STPG4: variants seen among roughly 807,000 people sequenced by gnomAD.
The protein encoded by STPG4 is protein STPG4.
A neutral mutation model predicts 31.5 loss-of-function variants in STPG4; 41 were observed. The observed-to-expected ratio is 1.30, with a 90% CI of 1.01 to 1.69. The LOEUF is 1.69. STPG4 is among the 40% of genes most tolerant of loss of function. The probability of loss-of-function intolerance (pLI) is 0.00; values close to 1 mark genes in which losing one functional copy is unlikely to be tolerated. For synonymous variants in STPG4, 141 were observed against 103.0 expected (o/e 1.37, Z -2.24); for missense variants, 375 against 293.4 (o/e 1.28, Z -2.03).
chr2:47,107,543 C>T lies in STPG4; in HGVS notation c.520-17169G>A, dbSNP rs562574149. 8.6e-3 allele frequency among the ~76,000 whole-genome samples: 1,304 copies of T among 152,284 alleles called. 21 individuals are homozygous for T. The highest frequency in any genetic ancestry group is 0.014 in the Non-Finnish European group (975 of 68,010). On this transcript the variant is annotated intron_variant, in intron 5 of 6. Coordinates refer to ENST00000445927, the MANE Select transcript of STPG4 (RefSeq NM_001163561.2). ...GGGGCAGGGCTCAGGACCTGCAGCC[C>T]GCCATGCCTGAGCCTCCCACCCCCT...
intron 3 of STPG4, among the ~76,000 whole-genome samples, chr2:47,144,979 C>T (rs1225964791): frequency 1.3e-5 from 2 of 152,230 alleles, no homozygotes; most frequent in African/African-American, 4.8e-5. Flanking sequence ...ATCCGCCCGC[C>T]TTGGCCTCCC....
chr2:47,092,857 A>G (rs1353051460), intron 5 of STPG4, among the ~76,000 whole-genome samples: 6 of 151,482 alleles, frequency 4.0e-5, no homozygotes, highest in African/African-American at 1.5e-4. Flanking sequence ...CAGTCACGCC[A>G]TCTCGGCTCA....
chr2:47,103,529 G>A (rs1685842724), intron 5 of STPG4, among the ~76,000 whole-genome samples: 1 of 151,944 alleles, frequency 6.6e-6, no homozygotes, highest in Non-Finnish European at 1.5e-5. Context: ...CTTAGTCATG[G>A]CCCTCAGACA....
intron 2 of STPG4, among the ~76,000 whole-genome samples, chr2:47,152,610 A>G (rs980898524): frequency 6.6e-6 from 1 of 152,214 alleles, no homozygotes; most frequent in African/African-American, 2.4e-5. Context: ...TCTTTACCAT[A>G]TAAGATAAAA....
chr2:47,123,912 T>C (rs1403553907), intron 5 of STPG4, among the ~76,000 whole-genome samples: 2 of 152,188 alleles, frequency 1.3e-5, no homozygotes, highest in Non-Finnish European at 2.9e-5. Context: ...GGGGTATCCA[T>C]CACCTCAAGC....
At chr2:47,099,256 C>A (rs1685738411) in intron 5 of STPG4, among the ~76,000 whole-genome samples, 1 of 152,188 alleles carries the variant, frequency 6.6e-6, no homozygotes, top group African/African-American at 2.4e-5. Context: ...GAGCAGAAGG[C>A]AACCCACAAT....
intron 3 of STPG4, among the ~76,000 whole-genome samples, chr2:47,148,173 C>G (rs1341297852): frequency 6.6e-6 from 1 of 152,100 alleles, no homozygotes; most frequent in Non-Finnish European, 1.5e-5. Context: ...TCTCGAACTC[C>G]TGGCCTCAAG....
At chr2:47,110,462 C>T (rs898726428) in intron 5 of STPG4, among the ~76,000 whole-genome samples, 2 of 152,154 alleles carry the variant, frequency 1.3e-5, no homozygotes, top group African/African-American at 2.4e-5. Flanking sequence ...GGCCTGGTGG[C>T]GGGCACCTGT....
At chr2:47,094,450 G>C (rs776614689) in intron 5 of STPG4, among the ~76,000 whole-genome samples, 1 of 152,112 alleles carries the variant, frequency 6.6e-6, no homozygotes, top group African/African-American at 2.4e-5. Flanking sequence ...TCTTCCCTTT[G>C]AAGAAGCCCT....
chr2:47,098,565 T>G (rs1182112781), intron 5 of STPG4, among the ~76,000 whole-genome samples: 1 of 152,082 alleles, frequency 6.6e-6, no homozygotes, highest in Non-Finnish European at 1.5e-5. Flanking sequence ...CCACTCCCAT[T>G]TATCTTAGCA....
chr2:47,088,699 G>A (rs539883883), intron 6 of STPG4, among the ~76,000 whole-genome samples: 1 of 152,312 alleles, frequency 6.6e-6, no homozygotes, highest in East Asian at 1.9e-4. Flanking sequence ...CAGCAAGAGT[G>A]GAGCAGAGCA....
At chr2:47,110,405 C>A (rs185170613) in intron 5 of STPG4, among the ~76,000 whole-genome samples, 25 of 152,292 alleles carry the variant, frequency 1.6e-4, no homozygotes, top group Admixed American at 1.1e-3. Flanking sequence ...ACCAGCCTGG[C>A]CAGCATGGCA....
At chr2:47,124,619 G>T (rs555795023) in intron 5 of STPG4, among the ~76,000 whole-genome samples, 20 of 152,206 alleles carry the variant, frequency 1.3e-4, no homozygotes, top group African/African-American at 4.6e-4. Flanking sequence ...TATTTCTTAT[G>T]GCTGTGTAGT....
intron 5 of STPG4, among the ~76,000 whole-genome samples, chr2:47,122,813 G>C (rs1686298586): frequency 6.6e-6 from 1 of 151,012 alleles, no homozygotes; most frequent in African/African-American, 2.4e-5. Context: ...TTGTTTGTTT[G>C]TCTGTTTGTT....
At chr2:47,155,124 T>C (rs1267162821) in intron 1 of STPG4, 47 bp downstream of exon 1, 1 of 1,576,200 alleles carries the variant, frequency 6.3e-7, no homozygotes, top group East Asian at 2.2e-5. Context: ...GTAGTGGGCC[T>C]GGTGAGGGGA....
intron 5 of STPG4, 190 bp downstream of exon 5, chr2:47,129,751 C>T (rs756504038): frequency 7.0e-5 from 43 of 614,920 alleles, no homozygotes; most frequent in Non-Finnish European, 1.1e-4. Context: ...CCTGGTATTG[C>T]GATCCCACAC....
chr2:47,111,580 G>A (rs1030527845), intron 5 of STPG4, among the ~76,000 whole-genome samples: 2 of 152,088 alleles, frequency 1.3e-5, no homozygotes, highest in African/African-American at 4.8e-5. Flanking sequence ...CACACATTTT[G>A]GTCTTGCAAT....
At chr2:47,153,737 C>A (rs1361388754) in intron 1 of STPG4, among the ~76,000 whole-genome samples, 1 of 152,112 alleles carries the variant, frequency 6.6e-6, no homozygotes, top group African/African-American at 2.4e-5. Context: ...CACATCACTG[C>A]AACTCCAGCC....
chr2:47,114,916 C>T (rs1172057379), intron 5 of STPG4, among the ~76,000 whole-genome samples: 1 of 152,126 alleles, frequency 6.6e-6, no homozygotes, highest in Admixed American at 6.5e-5. Flanking sequence ...TACAGGCATG[C>T]TCCACCATGC....
Sources: allele counts gnomAD v4.1 joint callset (sites outside exome capture counted in the v4.1 genomes callset), GRCh38; gene constraint gnomAD v4.1.1; transcripts MANE v1.5; gene names NCBI Gene and HGNC (gene_info 2026-07-23, HGNC 2026-07-21).